Variants in SLC38A9 observed in about 807,000 individuals in gnomAD.
SLC38A9 encodes the protein solute carrier family 38 member 9.
SLC38A9 carries 48 observed loss-of-function variants against 62.3 expected under a neutral mutation model. That is an observed-to-expected ratio of 0.77 (90% CI 0.61 to 0.98). The LOEUF (loss-of-function observed/expected upper bound fraction) is 0.98, where lower values mean the gene tolerates loss of function less well. Ranked by LOEUF, SLC38A9 falls within the 50% of genes least tolerant of loss-of-function variation. The pLI, the probability that SLC38A9 is intolerant of heterozygous loss-of-function variation, is 0.00. For missense variants in SLC38A9, 541 were observed against 679.8 expected (o/e 0.80, Z 2.27); for synonymous variants, 204 against 227.7 (o/e 0.90, Z 0.94).
At chr5:55,671,582 GCA>G (rs1751338681) in intron 4 of SLC38A9, among the ~76,000 whole-genome samples, 1 of 151,192 alleles carries the variant, frequency 6.6e-6, no homozygotes, top group Non-Finnish European at 1.5e-5. Flanking sequence ...CACTTTGGGA[GCA>G]CAGTGGCTCA....
chr5:55,631,252 C>G lies in SLC38A9; in HGVS notation c.1430+2502G>C, dbSNP rs1743392540. ...ATACATTTTTAAGAGCATAAAGGGT[C>G]CTGAGACCAAAAATTATGCTCCAAA... On this transcript the variant is annotated intron_variant, in intron 14 of 15. Transcript: ENST00000396865. 2.0e-5 allele frequency among the ~76,000 whole-genome samples: 3 copies of G among 151,966 alleles called. No homozygotes were observed. The South Asian group carries it at 6.2e-4, about 32-fold the overall frequency.
intron 3 of SLC38A9, among the ~76,000 whole-genome samples, chr5:55,684,684 C>T (rs1222809020): frequency 1.3e-5 from 2 of 152,176 alleles, no homozygotes; most frequent in Admixed American, 6.5e-5. Context: ...GATGGAGTCT[C>T]ACTCTGTCGC....
intron 12 of SLC38A9, among the ~76,000 whole-genome samples, chr5:55,642,399 A>G (rs191274619): frequency 2.6e-4 from 40 of 152,368 alleles, no homozygotes; most frequent in Non-Finnish European, 1.0e-4. Flanking sequence ...AAATATGTGT[A>G]AATGTTTAAG....
intron 4 of SLC38A9, 113 bp from the exon 5 acceptor site, chr5:55,669,992 T>G: frequency 1.0e-6 from 1 of 975,672 alleles, no homozygotes; most frequent in Non-Finnish European, 1.5e-6. Context: ...TTGAACGGAG[T>G]CTCGCCCTGT....
intron 7 of SLC38A9, among the ~76,000 whole-genome samples, chr5:55,667,579 A>T (rs1246445213): frequency 6.6e-6 from 1 of 151,976 alleles, no homozygotes; most frequent in Non-Finnish European, 1.5e-5. Context: ...ATGTTTTGAT[A>T]TACTGTTGGA....
chr5:55,686,154 G>C (rs938466090), intron 3 of SLC38A9, among the ~76,000 whole-genome samples: 1 of 151,842 alleles, frequency 6.6e-6, no homozygotes, highest in Admixed American at 6.6e-5. Flanking sequence ...TAATGGGATT[G>C]CTGGGTCGAA....
chr5:55,673,029 A>G (rs1246239379), intron 3 of SLC38A9, among the ~76,000 whole-genome samples: 1 of 152,230 alleles, frequency 6.6e-6, no homozygotes, highest in Non-Finnish European at 1.5e-5. Context: ...AACTTAAGAC[A>G]GCTTTGAATA....
intron 7 of SLC38A9, 100 bp from the exon 8 acceptor site, chr5:55,664,963 T>C: frequency 1.6e-6 from 1 of 639,516 alleles, no homozygotes; most frequent in Non-Finnish European, 2.5e-6. Context: ...TGGCGAAAGA[T>C]TATGGGTATT....
At chr5:55,660,977 AT>A (rs1749418456) in intron 8 of SLC38A9, among the ~76,000 whole-genome samples, 1 of 70,774 alleles carries the variant, frequency 1.4e-5, no homozygotes, top group African/African-American at 4.0e-5. Context: ...ATTTTTTATA[AT>A]AAAAACTGCA....
chr5:55,629,631 T>C (rs1030922103), intron 14 of SLC38A9, among the ~76,000 whole-genome samples: 1 of 152,186 alleles, frequency 6.6e-6, no homozygotes, highest in African/African-American at 2.4e-5. Context: ...AATGCTACTT[T>C]TACTTGAATT....
chr5:55,682,812 A>G (rs1753219240), intron 3 of SLC38A9, among the ~76,000 whole-genome samples: 1 of 152,204 alleles, frequency 6.6e-6, no homozygotes, highest in South Asian at 2.1e-4. Flanking sequence ...TTAAGTATTT[A>G]GCACCCCTTA....
chr5:55,700,649 C>T (rs1756522683), intron 2 of SLC38A9, among the ~76,000 whole-genome samples: 1 of 152,176 alleles, frequency 6.6e-6, no homozygotes, highest in African/African-American at 2.4e-5. Context: ...TCCTCTCATT[C>T]TTTCTTCAGC....
intron 12 of SLC38A9, 24 bp from the exon 13 acceptor site, chr5:55,635,681 C>T (rs767802162): frequency 6.7e-7 from 1 of 1,494,918 alleles, no homozygotes; most frequent in Non-Finnish European, 9.3e-7. Context: ...ACAAAAGTCC[C>T]ATAATACTGA....
chr5:55,670,358 T>C (rs1428487301), intron 4 of SLC38A9, among the ~76,000 whole-genome samples: 1 of 95,300 alleles, frequency 1.0e-5, no homozygotes, highest in East Asian at 2.5e-4. Context: ...AAAAACTAAC[T>C]AAAAAAGCAA....
intron 11 of SLC38A9, among the ~76,000 whole-genome samples, chr5:55,646,614 T>G (rs1387036466): frequency 6.6e-6 from 1 of 152,202 alleles, no homozygotes; most frequent in African/African-American, 2.4e-5. Context: ...ATATTAGAAA[T>G]AAGTGTCCAC....
At chr5:55,630,870 G>A (rs1461702509) in intron 14 of SLC38A9, among the ~76,000 whole-genome samples, 1 of 152,070 alleles carries the variant, frequency 6.6e-6, no homozygotes, top group East Asian at 1.9e-4. Context: ...GGTGGCTCAT[G>A]CCTGTAATAC....
intron 9 of SLC38A9, among the ~76,000 whole-genome samples, chr5:55,653,556 C>G (rs939039965): frequency 6.6e-6 from 1 of 152,130 alleles, no homozygotes; most frequent in Non-Finnish European, 1.5e-5. Context: ...ATGCAAGAAT[C>G]TTGAATCCCA....
At chr5:55,669,366 G>T in intron 6 of SLC38A9, 45 bp from the exon 7 acceptor site, 1 of 1,501,136 alleles carries the variant, frequency 6.7e-7, no homozygotes. Flanking sequence ...CATCATGTAA[G>T]CATAAATTCA....
intron 3 of SLC38A9, among the ~76,000 whole-genome samples, chr5:55,688,380 C>CT (rs767493953): frequency 0.058 from 7,187 of 123,220 alleles, 546 homozygotes; most frequent in African/African-American, 0.15. Flanking sequence ...GGCATAATCT[C>CT]TTTTTTTTTT....
Sources: gnomAD v4.1 joint callset for allele counts (sites outside exome capture counted in the v4.1 genomes callset) on GRCh38, gnomAD v4.1.1 for gene constraint, MANE v1.5 for transcripts, NCBI Gene and HGNC (gene_info 2026-07-23, HGNC 2026-07-21) for gene names.